BACH2: variants seen among roughly 807,000 people sequenced by gnomAD.
The protein encoded by BACH2 is transcription regulator protein BACH2.
BACH2 carries 5 observed loss-of-function variants against 61.8 expected under a neutral mutation model. That is an observed-to-expected ratio of 0.08 (90% CI 0.04 to 0.17). The LOEUF is 0.17. BACH2 is among the 10% of genes least tolerant of loss of function. The pLI, the probability that BACH2 is intolerant of heterozygous loss-of-function variation, is 1.00. For missense variants in BACH2, 824 were observed against 1,091.1 expected (o/e 0.76, Z 3.45); for synonymous variants, 446 against 440.1 (o/e 1.01, Z -0.17).
At chr6:90,169,275 C>T (rs1390021016) in intron 4 of BACH2, among the ~76,000 whole-genome samples, 1 of 151,954 alleles carries the variant, frequency 6.6e-6, no homozygotes, top group Non-Finnish European at 1.5e-5. Context: ...AGTTCTTTAT[C>T]TTTACAAGAA....
intron 5 of BACH2, among the ~76,000 whole-genome samples, chr6:90,083,078 C>A (rs1418477120): frequency 6.6e-6 from 1 of 152,170 alleles, no homozygotes; most frequent in African/African-American, 2.4e-5. Flanking sequence ...CACAAGGCTG[C>A]AGGCACACAC....
intron 4 of BACH2, among the ~76,000 whole-genome samples, chr6:90,186,409 T>G (rs1181225411): frequency 6.6e-6 from 1 of 152,248 alleles, no homozygotes; most frequent in East Asian, 1.9e-4. Context: ...AAGGTTACTG[T>G]AACTTTTGAA....
intron 4 of BACH2, among the ~76,000 whole-genome samples, chr6:90,098,231 G>A (rs1289060303): frequency 2.0e-5 from 3 of 152,076 alleles, no homozygotes; most frequent in African/African-American, 7.2e-5. Context: ...TAGCTATTCA[G>A]CATTTAGTTC....
chr6:90,272,956 T>C (rs1368395642), intron 1 of BACH2, among the ~76,000 whole-genome samples: 1 of 152,022 alleles, frequency 6.6e-6, no homozygotes, highest in African/African-American at 2.4e-5. Context: ...CATTGCCCAG[T>C]AGAGAGAAAA....
At chr6:90,035,804 C>G (rs1779234410) in intron 5 of BACH2, among the ~76,000 whole-genome samples, 2 of 151,822 alleles carry the variant, frequency 1.3e-5, no homozygotes, top group South Asian at 4.2e-4. Flanking sequence ...CGTTTAGGCT[C>G]AAAGATATTA....
At chr6:90,111,618 A>T (rs570419640) in intron 4 of BACH2, among the ~76,000 whole-genome samples, 76 of 152,190 alleles carry the variant, frequency 5.0e-4, no homozygotes, top group African/African-American at 1.7e-3. Flanking sequence ...GGTTCTCCTC[A>T]TTTAGGTCTC....
chr6:90,185,613 G>C (rs367774014), intron 4 of BACH2, among the ~76,000 whole-genome samples: 1 of 151,994 alleles, frequency 6.6e-6, no homozygotes, highest in African/African-American at 2.4e-5. Flanking sequence ...TATTTTCATA[G>C]TTAAGAAATA....
At chr6:90,216,630 T>A (rs1360988832) in intron 3 of BACH2, among the ~76,000 whole-genome samples, 1 of 152,220 alleles carries the variant, frequency 6.6e-6, no homozygotes, top group African/African-American at 2.4e-5. Context: ...TAACTTGGAA[T>A]TCCAACTTAA....
chr6:89,988,224 T>C (rs1776347325), intron 6 of BACH2, among the ~76,000 whole-genome samples: 1 of 152,230 alleles, frequency 6.6e-6, no homozygotes, highest in Non-Finnish European at 1.5e-5. Flanking sequence ...AGCTTGAAAT[T>C]AAATAAATGT....
chr6:89,994,551 T>C (rs542689130), intron 6 of BACH2, among the ~76,000 whole-genome samples: 1 of 152,330 alleles, frequency 6.6e-6, no homozygotes, highest in Admixed American at 6.5e-5. Flanking sequence ...TTTAGGACTT[T>C]GGTTCTTAGA....
chr6:89,974,981 G>A (rs1157199415), intron 6 of BACH2, among the ~76,000 whole-genome samples: 1 of 152,182 alleles, frequency 6.6e-6, no homozygotes, highest in African/African-American at 2.4e-5. Flanking sequence ...AAAGTGGAGT[G>A]GATGCATGTT....
chr6:90,056,617 C>T (rs1255398988), intron 5 of BACH2, among the ~76,000 whole-genome samples: 15 of 152,036 alleles, frequency 9.9e-5, no homozygotes, highest in South Asian at 2.1e-4. Context: ...CTGCACCAAG[C>T]GGACCTAATA....
chr6:90,092,291 A>AAAAAAAAAAAAAAAT, intron 4 of BACH2, among the ~76,000 whole-genome samples: 1 of 113,842 alleles, frequency 8.8e-6, no homozygotes, highest in African/African-American at 3.6e-5. Flanking sequence ...AAAAAAAAAA[A>AAAAAAAAAAAAAAAT]ATATATATAT....
intron 5 of BACH2, among the ~76,000 whole-genome samples, chr6:90,031,030 G>C (rs1281491307): frequency 2.9e-5 from 4 of 140,120 alleles, no homozygotes; most frequent in African/African-American, 1.1e-4. Flanking sequence ...TTCATCCCTG[G>C]GATGCAAGGC....
intron 5 of BACH2, among the ~76,000 whole-genome samples, chr6:90,067,253 T>TA (rs1781007842): frequency 6.6e-6 from 1 of 152,118 alleles, no homozygotes; most frequent in African/African-American, 2.4e-5. Context: ...GGAACAGAGA[T>TA]AAAAGACGGA....
intron 5 of BACH2, among the ~76,000 whole-genome samples, chr6:90,043,863 C>A (rs1043599604): frequency 3.9e-5 from 6 of 152,208 alleles, no homozygotes; most frequent in African/African-American, 1.4e-4. Flanking sequence ...CTCAGTCTCA[C>A]AAAATTGCTT....
At chr6:89,970,090 A>G (rs1333279427) in intron 6 of BACH2, among the ~76,000 whole-genome samples, 1 of 152,230 alleles carries the variant, frequency 6.6e-6, no homozygotes, top group Admixed American at 6.5e-5. Flanking sequence ...AGAATGTTAG[A>G]TAAATAGGTG....
chr6:89,984,021 G>A (rs1424894221), intron 6 of BACH2, among the ~76,000 whole-genome samples: 3 of 152,168 alleles, frequency 2.0e-5, no homozygotes, highest in Non-Finnish European at 4.4e-5. Context: ...CCTGATGACA[G>A]TGACTTTATC....
intron 4 of BACH2, among the ~76,000 whole-genome samples, chr6:90,167,584 C>T (rs561624795): frequency 2.0e-5 from 3 of 152,282 alleles, no homozygotes; most frequent in African/African-American, 7.2e-5. Flanking sequence ...TCTCAAACAC[C>T]TGACCTCAAG....
Sources: gnomAD v4.1 joint callset for allele counts (sites outside exome capture counted in the v4.1 genomes callset) on GRCh38, gnomAD v4.1.1 for gene constraint, MANE v1.5 for transcripts, NCBI Gene and HGNC (gene_info 2026-07-23, HGNC 2026-07-21) for gene names.